DGKG: variants seen among roughly 807,000 people sequenced by gnomAD.
The protein encoded by DGKG is diacylglycerol kinase gamma.
Under a neutral mutation model 105.3 loss-of-function variants are expected in DGKG, and 78 were observed. The observed-to-expected ratio is 0.74, with a 90% CI of 0.62 to 0.89. The LOEUF (loss-of-function observed/expected upper bound fraction) is 0.89, where lower values mean the gene tolerates loss of function less well. Among genes scored for constraint, DGKG ranks in the 40% least tolerant of loss-of-function variants. The pLI, the probability that DGKG is intolerant of heterozygous loss-of-function variation, is 0.00. For missense variants in DGKG, 958 were observed against 1,020.1 expected, an observed-to-expected ratio of 0.94 and a Z score of 0.83; for synonymous variants, 346 against 367.1, an observed-to-expected ratio of 0.94 and a Z score of 0.66.
At chr3:186,269,283 A>C (rs889387628) in intron 11 of DGKG, among the ~76,000 whole-genome samples, 4 of 152,248 alleles carry the variant, frequency 2.6e-5, no homozygotes, top group Admixed American at 1.3e-4. Flanking sequence ...AGCATGGTGC[A>C]GAGGAACTCT....
intron 2 of DGKG, among the ~76,000 whole-genome samples, chr3:186,313,135 T>G (rs1321817241): frequency 6.6e-6 from 1 of 152,220 alleles, no homozygotes; most frequent in South Asian, 2.1e-4. Context: ...TTGAAATCAC[T>G]TGCAGGGCTT....
intron 7 of DGKG, among the ~76,000 whole-genome samples, chr3:186,281,965 C>G (rs1472057727): frequency 6.6e-6 from 1 of 152,180 alleles, no homozygotes; most frequent in Non-Finnish European, 1.5e-5. Context: ...CATTTACAAA[C>G]CAGAGCTTGT....
At chr3:186,194,583 AT>A (rs1404902531) in intron 21 of DGKG, among the ~76,000 whole-genome samples, 1 of 151,960 alleles carries the variant, frequency 6.6e-6, no homozygotes, top group African/African-American at 2.4e-5. Context: ...CGTGCCACAG[AT>A]TTGGTTTGGA....
At chr3:186,304,348 C>T (rs73885840) in intron 3 of DGKG, among the ~76,000 whole-genome samples, 4,072 of 152,308 alleles carry the variant, frequency 0.027, 187 homozygotes, top group African/African-American at 0.088. Context: ...TTCTCAGTCT[C>T]GCCCCTGTTC....
rs1721786020 is a variant in DGKG at position 186,261,743 on chromosome 3, CA to C, written c.1304del (p.Leu435ArgfsTer5). Reference sequence around the variant, plus strand: ...CACTCTTGGGGTTCACCAAGACCAGCAGGGGGTGGGTACCCGGGGTGGGGAT... The same window carrying C: ...CACTCTTGGGGTTCACCAAGACCAGCGGGGGTGGGTACCCGGGGTGGGGAT... ...KIIPTPGTHPLLVLVNPKSGG... is the reference protein window; with the variant it reads ...KIIPTPGTHPXLVLVNPKSGG... On this transcript the variant is annotated frameshift_variant, in exon 15 of 25. Transcript: ENST00000265022. LOFTEE classifies it high-confidence loss of function. 5.6e-6 allele frequency: 9 copies of C among 1,608,720 alleles called. No homozygotes were observed. The highest frequency in any genetic ancestry group is 7.6e-6 in the Non-Finnish European group (9 of 1,178,018).
At chr3:186,275,485 A>G in intron 10 of DGKG, 62 bp downstream of exon 10, 13 of 1,401,404 alleles carry the variant, frequency 9.3e-6, no homozygotes, top group Non-Finnish European at 1.2e-5. Context: ...GCAATGGATC[A>G]ACCAACCATG....
rs566255177 is a variant in DGKG at position 186,273,201 on chromosome 3, C to T, written c.911-858G>A. On this transcript the variant is annotated intron_variant, in intron 10 of 24. Coordinates refer to ENST00000265022, the MANE Select transcript of DGKG (RefSeq NM_001346.3). ...ATGAGATAGTTTGTGTAAAGCATCA[C>T]GTGTCTGGGTCAGAGTAGCTATTCC... Among the ~76,000 whole-genome samples the T allele has an allele frequency of 5.9e-5, 9 of 152,180 alleles. No homozygotes were observed. The South Asian group carries it at 1.0e-3, about 18-fold the overall frequency.
intron 20 of DGKG, among the ~76,000 whole-genome samples, chr3:186,240,508 G>T (rs1030714298): frequency 1.3e-5 from 2 of 152,176 alleles, no homozygotes; most frequent in Admixed American, 1.3e-4. Flanking sequence ...GCATGAGTAC[G>T]TATAAGGATA....
At chr3:186,275,081 G>A (rs561504618) in intron 10 of DGKG, among the ~76,000 whole-genome samples, 1 of 152,258 alleles carries the variant, frequency 6.6e-6, no homozygotes, top group South Asian at 2.1e-4. Context: ...GTTTCTCCAT[G>A]TTGGCAGGGC....
intron 1 of DGKG, among the ~76,000 whole-genome samples, chr3:186,322,399 G>A (rs1005475807): frequency 6.6e-6 from 1 of 152,090 alleles, no homozygotes; most frequent in Non-Finnish European, 1.5e-5. Flanking sequence ...CACAAAGAAG[G>A]GAACAATAGG....
At chr3:186,155,428 G>A (rs930679767) in intron 24 of DGKG, among the ~76,000 whole-genome samples, 3 of 152,080 alleles carry the variant, frequency 2.0e-5, no homozygotes, top group Admixed American at 1.3e-4. Context: ...TCCTGACCTC[G>A]TGATCTGCCT....
intron 1 of DGKG, among the ~76,000 whole-genome samples, chr3:186,336,677 T>A (rs1360301199): frequency 6.6e-6 from 1 of 152,112 alleles, no homozygotes; most frequent in Non-Finnish European, 1.5e-5. Context: ...TCCTTTTGGT[T>A]GTTAATATTG....
chr3:186,154,999 A>G (rs550403153), intron 24 of DGKG, among the ~76,000 whole-genome samples: 2 of 152,300 alleles, frequency 1.3e-5, no homozygotes, highest in African/African-American at 4.8e-5. Flanking sequence ...GCTATCGTCT[A>G]ACTCTGGGAG....
intron 3 of DGKG, among the ~76,000 whole-genome samples, chr3:186,306,348 G>A (rs116173906): frequency 0.02 from 2,977 of 152,146 alleles, 39 homozygotes; most frequent in Non-Finnish European, 0.03. Context: ...TAAAATATAC[G>A]AAGAAAGCTG....
intron 17 of DGKG, among the ~76,000 whole-genome samples, chr3:186,256,255 T>C (rs1232432548): frequency 6.6e-6 from 1 of 152,016 alleles, no homozygotes; most frequent in African/African-American, 2.4e-5. Flanking sequence ...GGGCGGCAGG[T>C]GTACGGTCCT....
At chr3:186,326,732 T>C (rs553926842) in intron 1 of DGKG, among the ~76,000 whole-genome samples, 1 of 152,354 alleles carries the variant, frequency 6.6e-6, no homozygotes, top group East Asian at 1.9e-4. Context: ...ATCCTCAAAA[T>C]GCTACTCTCA....
intron 20 of DGKG, among the ~76,000 whole-genome samples, chr3:186,237,834 T>C (rs540866480): frequency 2.0e-5 from 3 of 152,342 alleles, no homozygotes; most frequent in Middle Eastern, 3.4e-3. Flanking sequence ...TCAGTTCCTT[T>C]ATCTGTAAAT....
intron 1 of DGKG, among the ~76,000 whole-genome samples, chr3:186,346,714 G>A (rs912590211): frequency 6.8e-6 from 1 of 147,820 alleles, no homozygotes; most frequent in Non-Finnish European, 1.5e-5. Context: ...GCCAGAACAA[G>A]TTCTACATTT....
At chr3:186,211,974 G>C in intron 20 of DGKG, 89 bp from the exon 21 acceptor site, 1 of 1,016,188 alleles carries the variant, frequency 9.8e-7, no homozygotes, top group South Asian at 1.3e-5. Context: ...GGAGGCCCAA[G>C]CCTTCAGCAA....
Sources: gnomAD v4.1 joint callset for allele counts (sites outside exome capture counted in the v4.1 genomes callset) on GRCh38, gnomAD v4.1.1 for gene constraint, MANE v1.5 for transcripts, NCBI Gene and HGNC (gene_info 2026-07-23, HGNC 2026-07-21) for gene names.